Variants in MARK2 observed in about 807,000 individuals in gnomAD.
The protein encoded by MARK2 is microtubule affinity regulating kinase 2.
MARK2 carries 16 observed loss-of-function variants against 89.8 expected under a neutral mutation model. The observed-to-expected ratio is 0.18, with a 90% CI of 0.12 to 0.27. The LOEUF (loss-of-function observed/expected upper bound fraction) is 0.27, where lower values mean the gene tolerates loss of function less well. Among genes scored for constraint, MARK2 ranks in the 10% least tolerant of loss-of-function variants. The pLI is 1.00. For synonymous variants in MARK2, 382 were observed against 399.5 expected, an observed-to-expected ratio of 0.96 and a Z score of 0.52; for missense variants, 621 against 1,049.9, an observed-to-expected ratio of 0.59 and a Z score of 5.65.
intron 1 of MARK2, among the ~76,000 whole-genome samples, chr11:63,883,457 C>T (rs919780400): frequency 1.3e-5 from 2 of 152,080 alleles, no homozygotes; most frequent in African/African-American, 4.8e-5. Context: ...TTCCCAGAGC[C>T]CAGAGAACCC....
chr11:63,902,367 C>T lies in MARK2; in HGVS notation c.1234+37C>T, dbSNP rs1011022569. ...TGGGAGTTGTAGGTGGGGACTCACCCCTCTCCAGAGAGGTTACAGGTTCTG... is the reference window on the plus strand; with the variant it reads ...TGGGAGTTGTAGGTGGGGACTCACCTCTCTCCAGAGAGGTTACAGGTTCTG... On this transcript the variant is annotated intron_variant, in intron 12 of 18. Transcript: ENST00000402010. The surrounding 1 kb of genome is among the most constrained non-coding windows in gnomAD (Gnocchi z 4.2). The T allele has an allele frequency of 3.7e-6, 6 of 1,611,928 alleles. No homozygotes were observed. The highest frequency in any genetic ancestry group is 1.3e-5 in the African/African-American group (1 of 74,870).
chr11:63,865,625 C>T (rs183964876), intron 1 of MARK2, among the ~76,000 whole-genome samples: 1 of 152,300 alleles, frequency 6.6e-6, no homozygotes, highest in African/African-American at 2.4e-5. Flanking sequence ...GGGTTAGGTC[C>T]ATAGGGGCTC....
In MARK2 at chr11:63,903,968, G is replaced by C. The variant is rs763612800; in HGVS notation, c.1515-18G>C. ...ACTCACCCCTAACACGGGCCTCTCC[G>C]CTGCTTTTGTTTCCTAGCCTAACCA... On this transcript the variant is annotated intron_variant, in intron 14 of 18. Coordinates refer to ENST00000402010, the MANE Select transcript of MARK2 (RefSeq NM_001039469.3). The surrounding 1 kb of genome is among the most constrained non-coding windows in gnomAD (Gnocchi z 5.1). 6.3e-7 allele frequency: 1 copy of C among 1,589,300 alleles called. No individual in the cohort carries two copies. Among genetic ancestry groups the C allele is most frequent in the Non-Finnish European group, 8.6e-7 (1 of 1,166,382 alleles).
intron 17 of MARK2, 130 bp downstream of exon 17, chr11:63,906,244 C>T (rs969042442): frequency 5.2e-6 from 6 of 1,145,590 alleles, no homozygotes; most frequent in Non-Finnish European, 5.5e-6. Flanking sequence ...GTGTGGCCCT[C>T]CTCTCTCTGC....
chr11:63,900,154 G>C lies in MARK2; in HGVS notation c.768+44G>C, dbSNP rs766546423. 1.4e-6 allele frequency: 2 copies of C among 1,456,502 alleles called. No homozygotes were observed. The highest frequency in any genetic ancestry group is 9.6e-7 in the Non-Finnish European group (1 of 1,037,580). The allele number at this position is 1,456,502 out of a possible 1,614,324, so 90.2% of individuals were successfully genotyped here. A position where few individuals can be genotyped will look rare whatever the true frequency, so the allele number is the denominator to read the frequency against. ...TTTTTATTGCTTCTCATTTCCTCTC[G>C]GCCTCTGGTCTTAGCCCTGACCTCC... On this transcript the variant is annotated intron_variant, in intron 8 of 18. Transcript: ENST00000402010. This position sits in a 1 kb window ranked among gnomAD's most constrained non-coding sequence, Gnocchi z 4.7.
chr11:63,862,609 A>C (rs1424810509), intron 1 of MARK2, among the ~76,000 whole-genome samples: 2 of 152,152 alleles, frequency 1.3e-5, no homozygotes, highest in Non-Finnish European at 2.9e-5. Context: ...GGCTCTACGC[A>C]AGAGCTATGG....
Position 63,887,710 on chromosome 11 carries a change from C to CA in MARK2, c.55-7448dup, listed in dbSNP as rs1245838410. Among the ~76,000 whole-genome samples, 3 of 130,446 alleles carry CA rather than the reference C, an allele frequency of 2.3e-5. No individual in the cohort carries two copies. The Admixed American group carries it at 2.7e-4, about 12-fold the overall frequency. 85.6% of individuals were successfully genotyped at this position (130,446 alleles called of 152,430 possible). On this transcript the variant is annotated intron_variant, in intron 1 of 18. Coordinates refer to ENST00000402010, the MANE Select transcript of MARK2 (RefSeq NM_001039469.3). The stretch of plus-strand genomic sequence containing the variant: ...GGCAAGGCTGCAACCAGCACATAGA[C>CA]AGGGGTCGTTGGTCTAGAAGGGGAG...
intron 1 of MARK2, among the ~76,000 whole-genome samples, chr11:63,846,932 A>G (rs933554957): frequency 1.3e-5 from 2 of 152,222 alleles, no homozygotes; most frequent in Non-Finnish European, 2.9e-5. Context: ...CTGGGATTAC[A>G]GGCGGGAGCC....
intron 7 of MARK2, 75 bp downstream of exon 7, chr11:63,899,183 A>C (rs1321147739): frequency 1.1e-6 from 1 of 875,840 alleles, no homozygotes; most frequent in Non-Finnish European, 1.9e-6. Context: ...TGATAAAACC[A>C]TCAATAACCA....
At chr11:63,889,894 T>C (rs1454043244) in intron 1 of MARK2, among the ~76,000 whole-genome samples, 2 of 152,174 alleles carry the variant, frequency 1.3e-5, no homozygotes, top group African/African-American at 4.8e-5. Context: ...GAGTGCCTGG[T>C]GTGCCACGTC....
Position 63,902,978 on chromosome 11 carries a change from C to A in MARK2, c.1417-83C>A. 1 of 1,256,076 alleles carries A rather than the reference C, an allele frequency of 8.0e-7. No individual in the cohort carries two copies. Among genetic ancestry groups the A allele is most frequent in the Non-Finnish European group, 1.2e-6 (1 of 858,756 alleles). 77.8% of individuals were successfully genotyped at this position (1,256,076 alleles called of 1,614,324 possible). A position where few individuals can be genotyped will look rare whatever the true frequency, so the allele number is the denominator to read the frequency against. On this transcript the variant is annotated intron_variant, in intron 13 of 18. Coordinates refer to ENST00000402010, the MANE Select transcript of MARK2 (RefSeq NM_001039469.3). The surrounding 1 kb of genome is among the most constrained non-coding windows in gnomAD (Gnocchi z 4.2). ...TGCTTCAGGTGGAAGGGACAGGAAGCCTGTTCCATGAACCTGGGGGGAGAA... is the reference window on the plus strand; with the variant it reads ...TGCTTCAGGTGGAAGGGACAGGAAGACTGTTCCATGAACCTGGGGGGAGAA...
intron 1 of MARK2, among the ~76,000 whole-genome samples, chr11:63,860,688 C>G (rs1422682592): frequency 6.6e-6 from 1 of 151,962 alleles, no homozygotes; most frequent in Non-Finnish European, 1.5e-5. Flanking sequence ...GAAACCCCGT[C>G]TCTACTTAAA....
In MARK2 at chr11:63,909,378, A is replaced by G. The variant is rs1941604623; in HGVS notation, c.*141A>G. The stretch of plus-strand genomic sequence containing the variant: ...ACTTCTCCCCTCCCTGGCCCTTCTC[A>G]GTTTTCTCTTACATGTTTGTGGGGG... On this transcript the variant is annotated 3_prime_UTR_variant, in exon 19 of 19. Transcript: ENST00000402010. 2 of 867,246 alleles carry G rather than the reference A, an allele frequency of 2.3e-6. No homozygotes were observed. The highest frequency in any genetic ancestry group is 6.0e-5 in the East Asian group (2 of 33,448). 53.7% of individuals were successfully genotyped at this position (867,246 alleles called of 1,614,324 possible).
At chr11:63,862,460 T>C (rs1937859888) in intron 1 of MARK2, among the ~76,000 whole-genome samples, 1 of 95,084 alleles carries the variant, frequency 1.1e-5, no homozygotes, top group Non-Finnish European at 2.4e-5. Flanking sequence ...GCAGATGTCT[T>C]GCAGCGGAAT....
chr11:63,856,768 G>GGTTTTTTTTTTTTTTTTT (rs1565100741), intron 1 of MARK2, among the ~76,000 whole-genome samples: 3 of 53,796 alleles, frequency 5.6e-5, no homozygotes, highest in African/African-American at 2.2e-4. Flanking sequence ...AATTTTTCAT[G>GGTTTTTTTTTTTTTTTTT]TTTTTTTTTT....
chr11:63,894,323 G>A (rs760127402), intron 1 of MARK2, among the ~76,000 whole-genome samples: 3 of 152,168 alleles, frequency 2.0e-5, no homozygotes, highest in African/African-American at 4.8e-5. Flanking sequence ...CAGAAATTTC[G>A]TCTCCTACGC....
At chr11:63,881,479 G>A (rs1014927824) in intron 1 of MARK2, among the ~76,000 whole-genome samples, 4 of 152,140 alleles carry the variant, frequency 2.6e-5, no homozygotes, top group African/African-American at 7.2e-5. Context: ...GAGTGGGGTC[G>A]AGAGTGGGCA....
intron 1 of MARK2, among the ~76,000 whole-genome samples, chr11:63,861,709 T>C (rs1445090802): frequency 1.3e-5 from 2 of 151,566 alleles, no homozygotes; most frequent in Admixed American, 6.6e-5. Flanking sequence ...AGCACTTGTT[T>C]AGTTGTTTTA....
At chr11:63,876,546 A>G (rs908313997) in intron 1 of MARK2, among the ~76,000 whole-genome samples, 5 of 152,208 alleles carry the variant, frequency 3.3e-5, no homozygotes, top group East Asian at 1.9e-4. Flanking sequence ...ATGTAGAGCA[A>G]CAGAATGGGT....
Sources: gnomAD v4.1 joint callset for allele counts (sites outside exome capture counted in the v4.1 genomes callset) on GRCh38, gnomAD v4.1.1 for gene constraint, Gnocchi (gnomAD v3.1) non-coding constraint, MANE v1.5 for transcripts, NCBI Gene and HGNC (gene_info 2026-07-23, HGNC 2026-07-21) for gene names.